Variants in DNASE2B observed in about 807,000 individuals in gnomAD.
The protein encoded by DNASE2B is deoxyribonuclease 2 beta, also known as deoxyribonuclease-2-beta.
A neutral mutation model predicts 46.0 loss-of-function variants in DNASE2B; 43 were observed. That is an observed-to-expected ratio of 0.94 (90% CI 0.73 to 1.21). DNASE2B has a LOEUF of 1.21. Ranked by LOEUF, DNASE2B falls within the 50% of genes most tolerant of loss-of-function variation. The probability of loss-of-function intolerance (pLI) is 0.00; values close to 1 mark genes in which losing one functional copy is unlikely to be tolerated. For synonymous variants in DNASE2B, 156 were observed against 152.5 expected (o/e 1.02, Z -0.17); for missense variants, 395 against 414.4 (o/e 0.95, Z 0.41).
At chr1:84,409,724 C>T (rs144338948) in intron 3 of DNASE2B, among the ~76,000 whole-genome samples, 3 of 152,306 alleles carry the variant, frequency 2.0e-5, no homozygotes, top group Non-Finnish European at 4.4e-5. Flanking sequence ...CTCTACCCTG[C>T]TAACTGCCAC....
chr1:84,414,123 T>C (rs367852942), intron 5 of DNASE2B, among the ~76,000 whole-genome samples: 3 of 152,218 alleles, frequency 2.0e-5, no homozygotes, highest in African/African-American at 7.2e-5. Context: ...ATTAATTCTT[T>C]ACTAACATTC....
intron 2 of DNASE2B, among the ~76,000 whole-genome samples, chr1:84,402,585 C>T (rs1680439564): frequency 6.6e-6 from 1 of 152,124 alleles, no homozygotes; most frequent in Non-Finnish European, 1.5e-5. Context: ...TAGTTCAAGG[C>T]CCTAGAACTA....
chr1:84,403,203 G>A (rs1050364342), intron 2 of DNASE2B, among the ~76,000 whole-genome samples: 2 of 152,126 alleles, frequency 1.3e-5, no homozygotes, highest in African/African-American at 2.4e-5. Context: ...GCTGGGGTAG[G>A]GGTGCCGGCC....
rs1459522017 is a variant in DNASE2B at position 84,408,531 on chromosome 1, T to G, written c.385+13T>G. On this transcript the variant is annotated intron_variant, in intron 3 of 5. Transcript: ENST00000370665. The stretch of plus-strand genomic sequence containing the variant: ...GGACACACCAAAGGTATGACAAAGA[T>G]TCTTGGTTTCTCTTTCCTACTGGAA... 6.2e-7 allele frequency: 1 copy of G among 1,602,592 alleles called. No homozygotes were observed. Among genetic ancestry groups the G allele is most frequent in the Admixed American group, 1.7e-5 (1 of 58,270 alleles).
chr1:84,400,600 T>C (rs1208872492), intron 1 of DNASE2B, among the ~76,000 whole-genome samples: 1 of 152,166 alleles, frequency 6.6e-6, no homozygotes, highest in East Asian at 1.9e-4. Context: ...CTGAGGACTC[T>C]TGAGTACATA....
rs1411029410 is a variant in DNASE2B, at chr1:84,410,920, T to C, written c.468T>C (p.Tyr156=). ...PQFPPIPEEG[Y]DYPPTGRRNG... is the part of the protein sequence containing the mutation. ...TTCCTCCAATTCCGGAAGAAGGCTATGATTATCCACCCACAGGGAGACGAA... is the reference window on the plus strand; with the variant it reads ...TTCCTCCAATTCCGGAAGAAGGCTACGATTATCCACCCACAGGGAGACGAA... Residue 156 remains tyrosine (Y), a synonymous_variant, in exon 4 of 6, where the codon TAT becomes TAC. Coordinates refer to ENST00000370665, the MANE Select transcript of DNASE2B (RefSeq NM_021233.3). 1 of 1,613,398 alleles carries C rather than the reference T, an allele frequency of 6.2e-7. No individual in the cohort carries two copies. The highest frequency in any genetic ancestry group is 2.2e-5 in the East Asian group (1 of 44,874).
intron 2 of DNASE2B, among the ~76,000 whole-genome samples, chr1:84,405,493 C>T (rs561579361): frequency 6.6e-6 from 1 of 152,302 alleles, no homozygotes; most frequent in East Asian, 1.9e-4. Flanking sequence ...CAGTACATAT[C>T]AAGCAATTCA....
At chr1:84,411,146 G>A in intron 4 of DNASE2B, 147 bp downstream of exon 4, 1 of 1,022,222 alleles carries the variant, frequency 9.8e-7, no homozygotes, top group Non-Finnish European at 1.4e-6. Context: ...CCATGGTGAG[G>A]TCTTGGGCAG....
At chr1:84,402,444 A>C (rs1680437642) in intron 2 of DNASE2B, among the ~76,000 whole-genome samples, 1 of 152,234 alleles carries the variant, frequency 6.6e-6, no homozygotes, top group Non-Finnish European at 1.5e-5. Flanking sequence ...CAGAACTGTG[A>C]TTAACATGCT....
chr1:84,398,694 G>A lies in DNASE2B; in HGVS notation c.125+5G>A, dbSNP rs371100051. The A allele has an allele frequency of 2.4e-4, 382 of 1,613,528 alleles. No individual in the cohort carries two copies. The highest frequency in any genetic ancestry group is 3.0e-4 in the Non-Finnish European group (352 of 1,179,612). Reference sequence around the variant, plus strand: ...AGAAGGGAAAGCTGTGGACTGGTAGGTAAATGAAATGGAAGGACTGCTGCA... The same window carrying A: ...AGAAGGGAAAGCTGTGGACTGGTAGATAAATGAAATGGAAGGACTGCTGCA... On this transcript the variant is annotated splice_donor_5th_base_variant and intron_variant, in intron 1 of 5. Coordinates refer to ENST00000370665, the MANE Select transcript of DNASE2B (RefSeq NM_021233.3).
At chr1:84,411,912 T>G (rs1056229066) in intron 4 of DNASE2B, among the ~76,000 whole-genome samples, 1 of 152,164 alleles carries the variant, frequency 6.6e-6, no homozygotes, top group African/African-American at 2.4e-5. Flanking sequence ...TACATGGAGT[T>G]CTCAACTTTT....
intron 5 of DNASE2B, 90 bp downstream of exon 5, chr1:84,412,636 A>T: frequency 8.2e-7 from 1 of 1,225,806 alleles, no homozygotes; most frequent in Non-Finnish European, 1.1e-6. Flanking sequence ...GAGTATTCAG[A>T]GAAAGAGAGA....
At chr1:84,408,404 T>A in intron 2 of DNASE2B, 33 bp from the exon 3 acceptor site, 1 of 1,578,474 alleles carries the variant, frequency 6.3e-7, no homozygotes, top group Non-Finnish European at 8.6e-7. Flanking sequence ...AGTGGAAGAT[T>A]TACGCCATTA....
chr1:84,402,132 A>T, intron 2 of DNASE2B, 54 bp downstream of exon 2: 1 of 1,515,662 alleles, frequency 6.6e-7, no homozygotes, highest in Non-Finnish European at 8.8e-7. Context: ...ATAAAACTGA[A>T]TCCAAAGCCT....
intron 3 of DNASE2B, among the ~76,000 whole-genome samples, chr1:84,408,997 C>A (rs749755905): frequency 1.3e-5 from 2 of 151,630 alleles, no homozygotes; most frequent in Non-Finnish European, 2.9e-5. Flanking sequence ...TTTTAAATAG[C>A]TTTTTATATT....
Position 84,408,762 on chromosome 1 carries a change from C to T in DNASE2B, c.385+244C>T, listed in dbSNP as rs571291384. 2.0e-5 allele frequency among the ~76,000 whole-genome samples: 3 copies of T among 151,688 alleles called. 1 individual carries two copies. The South Asian group carries it at 6.2e-4, about 32-fold the overall frequency. ...AACATATTTTAAAATATTTGCTTTG[C>T]AGCAGCAGGAATCCAGGTACTGATA... On this transcript the variant is annotated intron_variant, in intron 3 of 5. Transcript: ENST00000370665.
In DNASE2B at chr1:84,412,478, T is replaced by C; in HGVS notation, c.677T>C (p.Leu226Pro). ...ASSSEIPGRL[L>P]TTLQSAQGQK... ...TCATCAGAGATTCCTGGCAGGCTCC[T>C]CACCACACTTCAGTCGGCCCAGGGA... Residue 226 changes from leucine (L) to proline (P), a missense_variant, in exon 5 of 6, where the codon CTC (leucine) becomes CCC (proline). Leu to Pro is a moderately conservative substitution (Grantham distance 98). Transcript: ENST00000370665. 1 of 1,613,998 alleles carries C rather than the reference T, an allele frequency of 6.2e-7. No homozygotes were observed. The highest frequency in any genetic ancestry group is 8.5e-7 in the Non-Finnish European group (1 of 1,179,924).
intron 2 of DNASE2B, among the ~76,000 whole-genome samples, chr1:84,403,994 A>T (rs373300573): frequency 7.1e-6 from 1 of 140,858 alleles, no homozygotes; most frequent in Non-Finnish European, 1.5e-5. Flanking sequence ...GTGGGTAAAG[A>T]TAGGGTTTCA....
At chr1:84,405,110 T>C (rs1029988339) in intron 2 of DNASE2B, among the ~76,000 whole-genome samples, 1 of 152,140 alleles carries the variant, frequency 6.6e-6, no homozygotes, top group South Asian at 2.1e-4. Flanking sequence ...TCTCCTGTTA[T>C]CTTAATTTTT....
Sources: gnomAD v4.1 joint callset for allele counts (sites outside exome capture counted in the v4.1 genomes callset) on GRCh38, gnomAD v4.1.1 for gene constraint, MANE v1.5 for transcripts, NCBI Gene and HGNC (gene_info 2026-07-23, HGNC 2026-07-21) for gene names.